The following NXPH1 variants were observed in gnomAD, a reference collection of about 807,000 sequenced individuals.
NXPH1 encodes the protein neurexophilin 1, also known as neurexophilin-1.
In NXPH1, 5 loss-of-function variants were observed where a neutral mutation model predicts 23.7. The ratio of observed to expected loss-of-function variants is 0.21; its 90% CI spans 0.11 to 0.44. The LOEUF (loss-of-function observed/expected upper bound fraction) is 0.44, where lower values mean the gene tolerates loss of function less well. Among genes scored for constraint, NXPH1 ranks in the 20% least tolerant of loss-of-function variants. NXPH1 has a pLI of 0.99. For synonymous variants in NXPH1, 144 were observed against 122.2 expected, an observed-to-expected ratio of 1.18 and a Z score of -1.18; for missense variants, 324 against 321.6, an observed-to-expected ratio of 1.01 and a Z score of -0.06.
At position 8,449,001 on chromosome 7, in the gene NXPH1, A is replaced by T. The variant is rs185453751; in HGVS notation, c.54+13234A>T. 1.6e-4 allele frequency among the ~76,000 whole-genome samples: 24 copies of T among 152,342 alleles called. 1 individual carries two copies. The highest frequency in any genetic ancestry group is 8.3e-4 in the South Asian group (4 of 4,828). On this transcript the variant is annotated intron_variant, in intron 2 of 2. Transcript: ENST00000405863. ...CATTTATTAAGATGTGATTTTAAAT[A>T]TTAATTTGTGAGTAGTATTTGCTTT... is the stretch of plus-strand genomic sequence containing the variant.
intron 2 of NXPH1, among the ~76,000 whole-genome samples, chr7:8,468,015 A>G (rs549748767): frequency 9.2e-5 from 14 of 152,254 alleles, no homozygotes; most frequent in African/African-American, 2.9e-4. Flanking sequence ...TGTGAGATAA[A>G]TTGCGCAAAA....
At chr7:8,739,330 T>A (rs1780321837) in intron 2 of NXPH1, among the ~76,000 whole-genome samples, 1 of 151,664 alleles carries the variant, frequency 6.6e-6, no homozygotes, top group South Asian at 2.1e-4. Context: ...ATGGGAAAAG[T>A]GTAGTATCTG....
At chr7:8,539,092 G>A (rs1475036993) in intron 2 of NXPH1, among the ~76,000 whole-genome samples, 1 of 151,802 alleles carries the variant, frequency 6.6e-6, no homozygotes, top group East Asian at 1.9e-4. Context: ...ACAAAGTTAT[G>A]CAAACACTGA....
chr7:8,499,817 C>T (rs1399746930), intron 2 of NXPH1, among the ~76,000 whole-genome samples: 4 of 152,106 alleles, frequency 2.6e-5, no homozygotes, highest in Admixed American at 6.5e-5. Flanking sequence ...CTGGACGAGC[C>T]ATGGCTTTCC....
intron 2 of NXPH1, among the ~76,000 whole-genome samples, chr7:8,707,515 G>C (rs1182341130): frequency 6.6e-6 from 1 of 152,026 alleles, no homozygotes; most frequent in Non-Finnish European, 1.5e-5. Context: ...TTCTCAGTAT[G>C]TATTAATGAG....
intron 2 of NXPH1, among the ~76,000 whole-genome samples, chr7:8,740,470 T>G (rs1481990060): frequency 2.6e-5 from 4 of 152,334 alleles, no homozygotes; most frequent in African/African-American, 9.6e-5. Flanking sequence ...ATGGATAAAA[T>G]GTGGCTCTAA....
Position 8,536,005 on chromosome 7 carries a change from C to T in NXPH1, c.54+100238C>T, listed in dbSNP as rs1486843148. Reference sequence around the variant, plus strand: ...TTTTCAGGTCTCAACTTGTGTGATCCTTTGCTCAGATGGGCATTCTCTTCA... The same window carrying T: ...TTTTCAGGTCTCAACTTGTGTGATCTTTTGCTCAGATGGGCATTCTCTTCA... On this transcript the variant is annotated intron_variant, in intron 2 of 2. Transcript: ENST00000405863. 2.6e-5 allele frequency among the ~76,000 whole-genome samples: 4 copies of T among 151,926 alleles called. No individual in the cohort carries two copies. The East Asian group carries it at 7.8e-4, about 29-fold the overall frequency.
At chr7:8,543,513 G>A (rs990111044) in intron 2 of NXPH1, among the ~76,000 whole-genome samples, 2 of 151,306 alleles carry the variant, frequency 1.3e-5, no homozygotes, top group African/African-American at 2.4e-5. Flanking sequence ...GCAGATTTGG[G>A]GCCAAATCCT....
chr7:8,448,676 G>A (rs947478945), intron 2 of NXPH1, among the ~76,000 whole-genome samples: 7 of 152,118 alleles, frequency 4.6e-5, no homozygotes, highest in Non-Finnish European at 8.8e-5. Context: ...AACGAGCCGG[G>A]TGTGGCGGCA....
chr7:8,514,696 A>T (rs1024476), intron 2 of NXPH1, among the ~76,000 whole-genome samples: 104,408 of 151,964 alleles, frequency 0.69, 35,996 homozygotes, highest in African/African-American at 0.74. Flanking sequence ...TAAGTTCTGT[A>T]CATCTCTCTG....
chr7:8,537,976 C>T (rs1046417402), intron 2 of NXPH1, among the ~76,000 whole-genome samples: 3 of 151,836 alleles, frequency 2.0e-5, no homozygotes, highest in Non-Finnish European at 2.9e-5. Context: ...TATGCTCCTC[C>T]ATTTATAAAG....
chr7:8,506,812 T>A (rs1302457275), intron 2 of NXPH1, among the ~76,000 whole-genome samples: 1 of 152,020 alleles, frequency 6.6e-6, no homozygotes, highest in African/African-American at 2.4e-5. Flanking sequence ...ATTACAAGTA[T>A]CTGAACAAAT....
At chr7:8,725,222 A>G (rs1268731205) in intron 2 of NXPH1, among the ~76,000 whole-genome samples, 1 of 152,086 alleles carries the variant, frequency 6.6e-6, no homozygotes, top group Admixed American at 6.5e-5. Flanking sequence ...AGGCGCTGTG[A>G]CTCACGCCTG....
rs1284844635 is a variant in NXPH1 at position 8,435,175 on chromosome 7, C to T, written c.-111+420C>T. The T allele has an allele frequency of 1.2e-5, 2 of 166,342 alleles. No individual in the cohort carries two copies. The highest frequency in any genetic ancestry group is 4.8e-5 in the African/African-American group (2 of 41,638). 10.3% of individuals were successfully genotyped at this position (166,342 alleles called of 1,614,324 possible). A position where few individuals can be genotyped will look rare whatever the true frequency, so the allele number is the denominator to read the frequency against. ...CTCTCTCTCTCCCTTTATCTTTCCC[C>T]TCTATCTCTCTCTGCTGGTGTGTAC... On this transcript the variant is annotated intron_variant, in intron 1 of 2. Coordinates refer to ENST00000405863, the MANE Select transcript of NXPH1 (RefSeq NM_152745.3). This position sits in a 1 kb window ranked among gnomAD's most constrained non-coding sequence, Gnocchi z 5.9.
chr7:8,737,547 C>G (rs946869416), intron 2 of NXPH1, among the ~76,000 whole-genome samples: 2 of 152,172 alleles, frequency 1.3e-5, no homozygotes, highest in East Asian at 1.9e-4. Flanking sequence ...TGACCTTTCT[C>G]TCTGGCTGCC....
At chr7:8,552,146 C>CAAAAAAAAAAAAAAAAAAAAAAAA (rs1818288434) in intron 2 of NXPH1, among the ~76,000 whole-genome samples, 1 of 133,818 alleles carries the variant, frequency 7.5e-6, no homozygotes. Flanking sequence ...AAAAAAACCA[C>CAAAAAAAAAAAAAAAAAAAAAAAA]CAAAACCACA....
intron 2 of NXPH1, among the ~76,000 whole-genome samples, chr7:8,638,611 C>G (rs964334121): frequency 5.3e-5 from 8 of 152,114 alleles, no homozygotes; most frequent in Non-Finnish European, 1.0e-4. Flanking sequence ...AGTTAGATAA[C>G]AAACACTTAG....
At chr7:8,500,030 T>A (rs1355322312) in intron 2 of NXPH1, among the ~76,000 whole-genome samples, 1 of 152,118 alleles carries the variant, frequency 6.6e-6, no homozygotes, top group Non-Finnish European at 1.5e-5. Flanking sequence ...TATAACAGAA[T>A]GTGGATTGCA....
intron 2 of NXPH1, among the ~76,000 whole-genome samples, chr7:8,519,248 T>G (rs1817732331): frequency 6.6e-6 from 1 of 152,188 alleles, no homozygotes; most frequent in African/African-American, 2.4e-5. Context: ...AAAAAAGGTA[T>G]TACATTTACT....
Sources: gnomAD v4.1 joint callset for allele counts (sites outside exome capture counted in the v4.1 genomes callset) on GRCh38, gnomAD v4.1.1 for gene constraint, Gnocchi (gnomAD v3.1) non-coding constraint, MANE v1.5 for transcripts, NCBI Gene and HGNC (gene_info 2026-07-23, HGNC 2026-07-21) for gene names.